Variants in BLMH observed in about 807,000 individuals in gnomAD.
The protein encoded by BLMH is bleomycin hydrolase, also known as BLM hydrolase.
A neutral mutation model predicts 61.6 loss-of-function variants in BLMH; 32 were observed. That is an observed-to-expected ratio of 0.52 (90% CI 0.39 to 0.70). BLMH has a LOEUF of 0.70. Among genes scored for constraint, BLMH ranks in the 30% least tolerant of loss-of-function variants. The pLI is 0.00. For synonymous variants in BLMH, 183 were observed against 193.8 expected, an observed-to-expected ratio of 0.94 and a Z score of 0.46; for missense variants, 460 against 555.5, an observed-to-expected ratio of 0.83 and a Z score of 1.73.
intron 10 of BLMH, among the ~76,000 whole-genome samples, chr17:30,270,839 G>A (rs1908248648): frequency 6.6e-6 from 1 of 152,148 alleles, no homozygotes; most frequent in Admixed American, 6.5e-5. Flanking sequence ...AAATGGGTAT[G>A]GAGTCCACAA....
Position 30,271,292 on chromosome 17 carries a change from G to A in BLMH, c.1125C>T (p.Thr375=), listed in dbSNP as rs201848222. ...FGESLMTHAM[T]FTAVSEKDDQ... ...ATACCTTCTCTGAGACAGCAGTGAA[G>A]GTCATGGCGTGGGTCATAAGTGACT... Residue 375 remains threonine, a synonymous_variant, in exon 10 of 12, where the codon ACC becomes ACT. Coordinates refer to ENST00000261714, the MANE Select transcript of BLMH (RefSeq NM_000386.4). 6.2e-7 allele frequency: 1 copy of A among 1,613,532 alleles called. No homozygotes were observed. Among genetic ancestry groups the A allele is most frequent in the Non-Finnish European group, 8.5e-7 (1 of 1,179,454 alleles).
In BLMH at chr17:30,274,201, G is replaced by A. The variant is rs748234744; in HGVS notation, c.646-4C>T. On this transcript the variant is annotated splice_region_variant and splice_polypyrimidine_tract_variant and intron_variant, in intron 6 of 11. Coordinates refer to ENST00000261714, the MANE Select transcript of BLMH (RefSeq NM_000386.4). ...AGATGCACACCACTCGGAATATCTGGAAGAGAGGAGGAGGAAAGGCGAGCA... is the reference window on the plus strand; with the variant it reads ...AGATGCACACCACTCGGAATATCTGAAAGAGAGGAGGAGGAAAGGCGAGCA... 1 of 1,613,244 alleles carries A rather than the reference G, an allele frequency of 6.2e-7. No individual in the cohort carries two copies. The highest frequency in any genetic ancestry group is 8.5e-7 in the Non-Finnish European group (1 of 1,179,772).
At chr17:30,265,629 T>G (rs565289569) in intron 11 of BLMH, among the ~76,000 whole-genome samples, 1 of 152,356 alleles carries the variant, frequency 6.6e-6, no homozygotes, top group Non-Finnish European at 1.5e-5. Context: ...ATGTCACTTC[T>G]CTGGCTTCCC....
chr17:30,284,020 A>T (rs1432877578), intron 6 of BLMH, among the ~76,000 whole-genome samples: 2 of 152,206 alleles, frequency 1.3e-5, no homozygotes, highest in Non-Finnish European at 2.9e-5. Flanking sequence ...ATCCTGACTG[A>T]ATCTCAGACA....
chr17:30,265,417 C>T (rs1288947282), intron 11 of BLMH, among the ~76,000 whole-genome samples: 2 of 152,178 alleles, frequency 1.3e-5, no homozygotes, highest in African/African-American at 2.4e-5. Flanking sequence ...TCCAAACCTC[C>T]ACACCCCCTC....
intron 11 of BLMH, among the ~76,000 whole-genome samples, chr17:30,264,700 G>C (rs1908050837): frequency 1.3e-5 from 2 of 152,072 alleles, no homozygotes; most frequent in African/African-American, 4.8e-5. Context: ...TCTTTTCCTA[G>C]GTGCTAACCT....
rs1339049256 is a variant in BLMH at position 30,286,916 on chromosome 17, A to T, written c.464-14T>A. ...CACCATATTTTTCTAAAAGAAAACA[A>T]ATTCTAGTGTTAAAGAAGGTAAAAA... is the stretch of plus-strand genomic sequence containing the variant. On this transcript the variant is annotated splice_polypyrimidine_tract_variant and intron_variant, in intron 4 of 11. Transcript: ENST00000261714. The T allele has an allele frequency of 2.6e-6, 4 of 1,511,896 alleles. No individual in the cohort carries two copies. Among genetic ancestry groups the T allele is most frequent in the Non-Finnish European group, 3.7e-6 (4 of 1,093,300 alleles). The allele number at this position is 1,511,896 out of a possible 1,614,324, so 93.7% of individuals were successfully genotyped here. A position where few individuals can be genotyped will look rare whatever the true frequency, so the allele number is the denominator to read the frequency against.
chr17:30,253,675 A>G (rs1051561260), intron 11 of BLMH, among the ~76,000 whole-genome samples: 1 of 152,194 alleles, frequency 6.6e-6, no homozygotes, highest in African/African-American at 2.4e-5. Flanking sequence ...CATTCCAAGG[A>G]AAAAAGAAAA....
intron 6 of BLMH, among the ~76,000 whole-genome samples, chr17:30,276,523 A>T (rs1270401386): frequency 6.6e-6 from 1 of 152,186 alleles, no homozygotes; most frequent in Non-Finnish European, 1.5e-5. Context: ...TATAGCATCT[A>T]GCAGTGCTGG....
intron 4 of BLMH, 116 bp downstream of exon 4, chr17:30,287,690 T>G: frequency 8.3e-7 from 1 of 1,206,392 alleles, no homozygotes; most frequent in Non-Finnish European, 1.1e-6. Flanking sequence ...TAACTATATA[T>G]CCTTCTTGGA....
At chr17:30,258,210 G>T (rs1214172410) in intron 11 of BLMH, among the ~76,000 whole-genome samples, 1 of 151,540 alleles carries the variant, frequency 6.6e-6, no homozygotes, top group African/African-American at 2.4e-5. Flanking sequence ...TAACAGGATG[G>T]GTTGGATGTT....
intron 6 of BLMH, among the ~76,000 whole-genome samples, chr17:30,283,037 A>T (rs1597666497): frequency 6.6e-6 from 1 of 152,116 alleles, no homozygotes; most frequent in African/African-American, 2.4e-5. Flanking sequence ...GCATGGTGGC[A>T]TGCACCTGTA....
chr17:30,276,808 T>C (rs1433864592), intron 6 of BLMH, among the ~76,000 whole-genome samples: 3 of 152,238 alleles, frequency 2.0e-5, no homozygotes, highest in Non-Finnish European at 2.9e-5. Flanking sequence ...TTCATATCAA[T>C]ATACATAACA....
chr17:30,266,835 A>G (rs752503962), intron 11 of BLMH, 50 bp downstream of exon 11: 2 of 1,532,962 alleles, frequency 1.3e-6, no homozygotes, highest in Admixed American at 1.7e-5. Flanking sequence ...AGACAGGCAG[A>G]GTAGAGCAGG....
At chr17:30,288,028 C>A (rs1908778221) in intron 3 of BLMH, 81 bp from the exon 4 acceptor site, 1 of 1,342,264 alleles carries the variant, frequency 7.5e-7, no homozygotes, top group Non-Finnish European at 1.0e-6. Flanking sequence ...GAATGGGAGT[C>A]TTGGAATTAC....
At chr17:30,283,236 A>G (rs576925566) in intron 6 of BLMH, among the ~76,000 whole-genome samples, 40 of 152,306 alleles carry the variant, frequency 2.6e-4, no homozygotes, top group Admixed American at 2.3e-3. Flanking sequence ...AAATAATCCT[A>G]TAAAACATTC....
intron 6 of BLMH, among the ~76,000 whole-genome samples, chr17:30,283,643 T>A (rs1908650330): frequency 6.7e-6 from 1 of 149,944 alleles, no homozygotes; most frequent in Admixed American, 6.7e-5. Flanking sequence ...TGCCTCAGCC[T>A]CCCGAGTAGC....
chr17:30,272,856 TTGTTGTACTTG>T lies in BLMH; in HGVS notation c.834_844del (p.His278GlnfsTer25), dbSNP rs773453021. 1 of 1,614,152 alleles carries T rather than the reference TTGTTGTACTTG, an allele frequency of 6.2e-7. No homozygotes were observed. Among genetic ancestry groups the T allele is most frequent in the Admixed American group, 1.7e-5 (1 of 60,012 alleles). On this transcript the variant is annotated frameshift_variant, in exon 8 of 12. Coordinates refer to ENST00000261714, the MANE Select transcript of BLMH (RefSeq NM_000386.4). LOFTEE classifies it high-confidence loss of function. ...GCTTAAGTATTCCACTGTGTAAAGT[TTGTTGTACTTG>T]TGCTGGGGCCTAGGGTCATTCACTA...
At chr17:30,264,711 A>G (rs1048476425) in intron 11 of BLMH, among the ~76,000 whole-genome samples, 1 of 152,266 alleles carries the variant, frequency 6.6e-6, no homozygotes, top group African/African-American at 2.4e-5. Flanking sequence ...GTGCTAACCT[A>G]TATGATAACA....
Sources: allele counts gnomAD v4.1 joint callset (sites outside exome capture counted in the v4.1 genomes callset), GRCh38; gene constraint gnomAD v4.1.1; transcripts MANE v1.5; gene names NCBI Gene and HGNC (gene_info 2026-07-23, HGNC 2026-07-21).